The following SCAPER variants were observed in gnomAD, a reference collection of about 807,000 sequenced individuals.
The protein encoded by SCAPER is S-phase cyclin A associated protein in the ER, also known as S phase cyclin A-associated protein in the endoplasmic reticulum.
In SCAPER, 98 loss-of-function variants were observed where a neutral mutation model predicts 182.2. The observed-to-expected ratio is 0.54, with a 90% CI of 0.46 to 0.64. The LOEUF (loss-of-function observed/expected upper bound fraction) is 0.64. SCAPER is among the 30% of genes least tolerant of loss of function. SCAPER has a pLI of 0.00. For synonymous variants in SCAPER, 605 were observed against 564.6 expected (o/e 1.07, Z -1.01); for missense variants, 1,432 against 1,690.0 (o/e 0.85, Z 2.68).
At chr15:76,824,574 T>C (rs2151671089) in intron 5 of SCAPER, among the ~76,000 whole-genome samples, 1 of 152,334 alleles carries the variant, frequency 6.6e-6, no homozygotes, top group African/African-American at 2.4e-5. Context: ...TCTTAAAACA[T>C]TATTTTTTAA....
At chr15:76,746,600 T>C (rs1048595792) in intron 15 of SCAPER, among the ~76,000 whole-genome samples, 12 of 152,258 alleles carry the variant, frequency 7.9e-5, no homozygotes, top group Non-Finnish European at 1.5e-4. Context: ...TTGCAGACTA[T>C]GTGATCTTGT....
chr15:76,518,978 GCTA>G (rs1416130900), intron 23 of SCAPER, among the ~76,000 whole-genome samples: 8 of 152,210 alleles, frequency 5.3e-5, no homozygotes, highest in African/African-American at 1.9e-4. Context: ...ACTCTGTGCT[GCTA>G]CTATTAGCTA....
At chr15:76,432,714 T>C (rs368536253) in intron 26 of SCAPER, among the ~76,000 whole-genome samples, 1 of 152,186 alleles carries the variant, frequency 6.6e-6, no homozygotes, top group East Asian at 1.9e-4. Flanking sequence ...GAAGGTGACC[T>C]TAGAAGGAAA....
intron 22 of SCAPER, among the ~76,000 whole-genome samples, chr15:76,615,712 C>T (rs372609315): frequency 1.5e-4 from 23 of 148,788 alleles, no homozygotes; most frequent in Non-Finnish European, 2.4e-4. Flanking sequence ...CCCAGCTACT[C>T]GAGAGGCAGA....
At chr15:76,747,363 G>A (rs772228198) in intron 15 of SCAPER, among the ~76,000 whole-genome samples, 7 of 152,088 alleles carry the variant, frequency 4.6e-5, no homozygotes, top group Non-Finnish European at 8.8e-5. Context: ...TTAGCTGGGT[G>A]TGGTGGCGTG....
chr15:76,717,323 C>A (rs896188301), intron 17 of SCAPER, among the ~76,000 whole-genome samples: 11 of 151,982 alleles, frequency 7.2e-5, no homozygotes, highest in Non-Finnish European at 1.5e-4. Context: ...TAATTACCAC[C>A]ATGGATACAC....
intron 25 of SCAPER, among the ~76,000 whole-genome samples, chr15:76,436,803 C>G (rs1182242396): frequency 6.6e-6 from 1 of 152,172 alleles, no homozygotes; most frequent in African/African-American, 2.4e-5. Flanking sequence ...ATACAAACTT[C>G]TGTGTGAGGA....
Position 76,644,007 on chromosome 15 carries a change from G to A in SCAPER, c.2645+21646C>T, listed in dbSNP as rs1597887010. On this transcript the variant is annotated intron_variant, in intron 21 of 31. Coordinates refer to ENST00000563290, the MANE Select transcript of SCAPER (RefSeq NM_020843.4). ...AAATCACTACCATGTTTCATGATTTGATTCATATTAAGACAGTAATTATTA... is the reference window on the plus strand; with the variant it reads ...AAATCACTACCATGTTTCATGATTTAATTCATATTAAGACAGTAATTATTA... 3.9e-5 allele frequency among the ~76,000 whole-genome samples: 6 copies of A among 152,226 alleles called. No individual in the cohort carries two copies. The South Asian group carries it at 1.2e-3, about 32-fold the overall frequency.
At chr15:76,369,065 A>C (rs1567005285) in intron 29 of SCAPER, among the ~76,000 whole-genome samples, 1 of 152,206 alleles carries the variant, frequency 6.6e-6, no homozygotes, top group East Asian at 1.9e-4. Flanking sequence ...ATGGGACGTC[A>C]CTTTTATTAT....
intron 21 of SCAPER, among the ~76,000 whole-genome samples, chr15:76,637,248 T>A (rs1165242180): frequency 6.6e-6 from 1 of 152,128 alleles, no homozygotes; most frequent in East Asian, 1.9e-4. Context: ...TGTCTTCAAT[T>A]CTTGAGGGTA....
chr15:76,854,234 AC>A (rs2071088164), intron 4 of SCAPER, among the ~76,000 whole-genome samples: 1 of 152,000 alleles, frequency 6.6e-6, no homozygotes, highest in East Asian at 1.9e-4. Context: ...ATGCCACTGC[AC>A]TCCATCCTGG....
At chr15:76,637,809 T>C (rs2146333799) in intron 21 of SCAPER, among the ~76,000 whole-genome samples, 1 of 143,756 alleles carries the variant, frequency 7.0e-6, no homozygotes, top group African/African-American at 2.5e-5. Flanking sequence ...TATGTATATA[T>C]ATATTCCACC....
intron 7 of SCAPER, among the ~76,000 whole-genome samples, chr15:76,796,427 T>C (rs913640539): frequency 4.6e-5 from 7 of 152,206 alleles, no homozygotes; most frequent in African/African-American, 1.7e-4. Context: ...CTACTTAATA[T>C]TTAAATTATG....
chr15:76,596,745 C>G (rs1440734492), intron 22 of SCAPER, among the ~76,000 whole-genome samples: 1 of 119,738 alleles, frequency 8.4e-6, no homozygotes, highest in Non-Finnish European at 2.0e-5. Context: ...AAAAGGCCTT[C>G]GATAAAATTC....
rs8039673 is a variant in SCAPER at position 76,464,175 on chromosome 15, C to G, written c.3078+7037G>C. ...ACCTATTAAACAACTCTGCTTCCCCCTCCCCTTGGTCCCTGGCAACCACCA... is the reference window on the plus strand; with the variant it reads ...ACCTATTAAACAACTCTGCTTCCCCGTCCCCTTGGTCCCTGGCAACCACCA... On this transcript the variant is annotated intron_variant, in intron 25 of 31. Coordinates refer to ENST00000563290, the MANE Select transcript of SCAPER (RefSeq NM_020843.4). Among the ~76,000 whole-genome samples the G allele has an allele frequency of 4.4e-3, 666 of 152,192 alleles. 7 individuals are homozygous for G. The highest frequency in any genetic ancestry group is 0.015 in the African/African-American group (634 of 41,542).
chr15:76,491,776 C>T (rs1421212252), intron 24 of SCAPER, among the ~76,000 whole-genome samples: 4 of 152,080 alleles, frequency 2.6e-5, no homozygotes, highest in Non-Finnish European at 4.4e-5. Flanking sequence ...GGATTACAGG[C>T]GTTTGCCACC....
intron 15 of SCAPER, among the ~76,000 whole-genome samples, chr15:76,744,111 T>G (rs922542642): frequency 4.6e-5 from 7 of 152,202 alleles, no homozygotes; most frequent in African/African-American, 1.7e-4. Context: ...ACTAGACCCT[T>G]ACTTTTAACT....
chr15:76,784,013 C>T lies in SCAPER; in HGVS notation c.773-8896G>A, dbSNP rs376771593. ...TCTTTCTCACCACTCCTCTTCAACA[C>T]AGTGTTGGAAGTTCTGGCCAGGGCA... On this transcript the variant is annotated intron_variant, in intron 8 of 31. Transcript: ENST00000563290. Among the ~76,000 whole-genome samples, 28 of 152,264 alleles carry T rather than the reference C, an allele frequency of 1.8e-4. No individual in the cohort carries two copies. The East Asian group carries it at 3.3e-3, about 18-fold the overall frequency.
chr15:76,761,397 C>G (rs2062779585), intron 14 of SCAPER, among the ~76,000 whole-genome samples: 1 of 151,732 alleles, frequency 6.6e-6, no homozygotes, highest in South Asian at 2.1e-4. Context: ...TCTTCTTTTT[C>G]TAGTTCTGTG....
Sources: gnomAD v4.1 joint callset for allele counts (sites outside exome capture counted in the v4.1 genomes callset) on GRCh38, gnomAD v4.1.1 for gene constraint, MANE v1.5 for transcripts, NCBI Gene and HGNC (gene_info 2026-07-23, HGNC 2026-07-21) for gene names.